Variants in CTNND2 observed in about 807,000 individuals in gnomAD.
CTNND2 encodes the protein catenin delta 2.
Under a neutral mutation model 144.4 loss-of-function variants are expected in CTNND2, and 22 were observed. The observed-to-expected ratio is 0.15, with a 90% CI of 0.11 to 0.22. The LOEUF (loss-of-function observed/expected upper bound fraction) is 0.22. CTNND2 is among the 10% of genes least tolerant of loss of function. CTNND2 has a pLI of 1.00. For missense variants in CTNND2, 1,353 were observed against 1,618.8 expected (o/e 0.84, Z 2.82); for synonymous variants, 751 against 695.6 (o/e 1.08, Z -1.25).
chr5:11,862,706 A>G (rs1331456401), intron 1 of CTNND2, among the ~76,000 whole-genome samples: 5 of 152,174 alleles, frequency 3.3e-5, no homozygotes, highest in African/African-American at 7.2e-5. Flanking sequence ...TCATTTTGCC[A>G]TAATTATTAG....
Position 11,708,967 on chromosome 5 carries a change from G to A in CTNND2, c.174+23169C>T, listed in dbSNP as rs574066343. ...ACCTAACATAGTGCCTTTGAGATTC[G>A]CACAAATTGTCACATGCATCAGTAG... On this transcript the variant is annotated intron_variant, in intron 2 of 21. Coordinates refer to ENST00000304623, the MANE Select transcript of CTNND2 (RefSeq NM_001332.4). Among the ~76,000 whole-genome samples, 15 of 152,180 alleles carry A rather than the reference G, an allele frequency of 9.9e-5. No homozygotes were observed. The East Asian group carries it at 2.1e-3, about 22-fold the overall frequency.
intron 2 of CTNND2, among the ~76,000 whole-genome samples, chr5:11,651,829 A>G (rs1782658744): frequency 6.6e-6 from 1 of 152,192 alleles, no homozygotes; most frequent in Non-Finnish European, 1.5e-5. Flanking sequence ...TCTTTACCCA[A>G]TGCCTGTTCC....
chr5:11,539,261 C>T (rs771105570), intron 3 of CTNND2, among the ~76,000 whole-genome samples: 1 of 152,132 alleles, frequency 6.6e-6, no homozygotes, highest in South Asian at 2.1e-4. Flanking sequence ...AGAATACCTC[C>T]ACATCTGAAT....
At chr5:11,267,131 G>A (rs1026005547) in intron 9 of CTNND2, among the ~76,000 whole-genome samples, 4 of 152,228 alleles carry the variant, frequency 2.6e-5, no homozygotes, top group African/African-American at 4.8e-5. Flanking sequence ...CACCCACCTC[G>A]GCCTCCCAAA....
At chr5:11,589,896 C>T (rs1779121563) in intron 2 of CTNND2, among the ~76,000 whole-genome samples, 1 of 152,094 alleles carries the variant, frequency 6.6e-6, no homozygotes, top group Non-Finnish European at 1.5e-5. Context: ...GTACTTTCTT[C>T]AATTCTAAAA....
chr5:11,705,489 A>G (rs1289613149), intron 2 of CTNND2, among the ~76,000 whole-genome samples: 1 of 152,264 alleles, frequency 6.6e-6, no homozygotes, highest in Non-Finnish European at 1.5e-5. Flanking sequence ...ATGTGGGCAT[A>G]TAAATAAAAT....
At chr5:11,575,642 A>ATAAT (rs1777917632) in intron 2 of CTNND2, among the ~76,000 whole-genome samples, 1 of 152,230 alleles carries the variant, frequency 6.6e-6, no homozygotes, top group African/African-American at 2.4e-5. Context: ...TATCAATGGA[A>ATAAT]TAATTATACA....
intron 9 of CTNND2, among the ~76,000 whole-genome samples, chr5:11,237,464 C>A (rs1741776171): frequency 6.6e-6 from 1 of 152,070 alleles, no homozygotes; most frequent in African/African-American, 2.4e-5. Flanking sequence ...TTAATATACA[C>A]ATTTTCATTT....
At chr5:11,679,102 C>T (rs1023974910) in intron 2 of CTNND2, among the ~76,000 whole-genome samples, 6 of 151,958 alleles carry the variant, frequency 3.9e-5, no homozygotes, top group South Asian at 4.2e-4. Context: ...CTTCCTGAAA[C>T]GATGCCTATC....
chr5:10,974,597 GGT>G (rs1178207516), intron 21 of CTNND2, among the ~76,000 whole-genome samples: 1 of 152,128 alleles, frequency 6.6e-6, no homozygotes, highest in Non-Finnish European at 1.5e-5. Flanking sequence ...CAAGGTATAG[GGT>G]GAGGTTAACC....
intron 9 of CTNND2, among the ~76,000 whole-genome samples, chr5:11,314,622 C>T (rs1751315436): frequency 6.6e-6 from 1 of 152,240 alleles, no homozygotes; most frequent in Admixed American, 6.5e-5. Context: ...CTGCCTCAGC[C>T]TCCAAGATTG....
intron 1 of CTNND2, among the ~76,000 whole-genome samples, chr5:11,780,868 C>T (rs185952748): frequency 3.3e-5 from 5 of 152,268 alleles, no homozygotes; most frequent in Admixed American, 6.5e-5. Context: ...AGATGACCCA[C>T]GGAGCCACTG....
intron 15 of CTNND2, among the ~76,000 whole-genome samples, chr5:11,085,110 G>A (rs962261704): frequency 2.0e-5 from 3 of 152,168 alleles, no homozygotes; most frequent in Admixed American, 2.0e-4. Flanking sequence ...TGGATGAAAA[G>A]GTGATTTGGT....
At position 11,641,762 on chromosome 5, in the gene CTNND2, A is replaced by ACACACG. The variant is rs1239677281; in HGVS notation, c.175-76707_175-76706insCGTGTG. ...TACATATACGTGTGTATGTACATAC[A>ACACACG]TATACGTATATGTATGTACATACAT... On this transcript the variant is annotated intron_variant, in intron 2 of 21. Transcript: ENST00000304623. Among the ~76,000 whole-genome samples the ACACACG allele has an allele frequency of 4.2e-4, 62 of 148,618 alleles. 2 individuals carry two copies. The highest frequency in any genetic ancestry group is 1.4e-3 in the African/African-American group (56 of 40,040).
chr5:11,613,140 A>G (rs1222151983), intron 2 of CTNND2, among the ~76,000 whole-genome samples: 1 of 152,156 alleles, frequency 6.6e-6, no homozygotes, highest in Non-Finnish European at 1.5e-5. Flanking sequence ...GTTTTTGCCA[A>G]TGTCAAGACT....
chr5:11,235,189 T>G (rs930991486), intron 10 of CTNND2, among the ~76,000 whole-genome samples: 1 of 152,142 alleles, frequency 6.6e-6, no homozygotes. Context: ...TGAAATGAAA[T>G]GCTTTCATGA....
chr5:11,345,353 C>T lies in CTNND2; in HGVS notation c.1628+1019G>A, dbSNP rs2149738056. On this transcript the variant is annotated intron_variant, in intron 9 of 21. Transcript: ENST00000304623. ...ATTCACTTTTTCAATGGTGTTATAC[C>T]AAATACAATATTTAACATGGACCTT... 2.0e-5 allele frequency among the ~76,000 whole-genome samples: 3 copies of T among 152,206 alleles called. No individual in the cohort carries two copies. In the Middle Eastern group the frequency reaches 0.01, roughly 518 times the overall value.
chr5:11,599,562 A>G (rs908323072), intron 2 of CTNND2, among the ~76,000 whole-genome samples: 11 of 152,190 alleles, frequency 7.2e-5, no homozygotes, highest in African/African-American at 2.7e-4. Context: ...CATGACATCC[A>G]TGACTGGCAA....
chr5:11,656,976 G>A (rs541978677), intron 2 of CTNND2, among the ~76,000 whole-genome samples: 2 of 152,246 alleles, frequency 1.3e-5, no homozygotes, highest in South Asian at 2.1e-4. Context: ...AGGAATATCA[G>A]TTAGGGCTGT....
Sources: allele counts gnomAD v4.1 joint callset (sites outside exome capture counted in the v4.1 genomes callset), GRCh38; gene constraint gnomAD v4.1.1; transcripts MANE v1.5; gene names NCBI Gene and HGNC (gene_info 2026-07-23, HGNC 2026-07-21).